RIN3: variants seen among roughly 807,000 people sequenced by gnomAD.
RIN3 encodes the protein RAB5 interacting protein 3.
Under a neutral mutation model 76.3 loss-of-function variants are expected in RIN3, and 54 were observed. That is an observed-to-expected ratio of 0.71 (90% confidence interval 0.57 to 0.89). The LOEUF is 0.89. RIN3 is among the 40% of genes least tolerant of loss of function. The pLI is 0.00. For missense variants in RIN3, 1,256 were observed against 1,322.1 expected (o/e 0.95, Z 0.78); for synonymous variants, 576 against 564.0 (o/e 1.02, Z -0.30).
chr14:92,616,284 G>A (rs1032271246), intron 4 of RIN3, among the ~76,000 whole-genome samples: 3 of 152,196 alleles, frequency 2.0e-5, no homozygotes, highest in Non-Finnish European at 2.9e-5. Context: ...CACTCCACAC[G>A]GTGGGAGCGG....
intron 2 of RIN3, among the ~76,000 whole-genome samples, chr14:92,573,226 T>A (rs1018110444): frequency 1.3e-5 from 2 of 152,106 alleles, no homozygotes; most frequent in African/African-American, 4.8e-5. Flanking sequence ...CATCTCTCAC[T>A]GAGGATCAGC....
chr14:92,572,859 G>A (rs921132502), intron 2 of RIN3, among the ~76,000 whole-genome samples: 6 of 149,292 alleles, frequency 4.0e-5, no homozygotes, highest in Non-Finnish European at 4.4e-5. Context: ...TCCTGTAGAA[G>A]GGTGACTCTT....
At chr14:92,519,562 G>A (rs58283858) in intron 1 of RIN3, among the ~76,000 whole-genome samples, 4,378 of 152,266 alleles carry the variant, frequency 0.029, 180 homozygotes, top group African/African-American at 0.099. Context: ...TTTAGAGACC[G>A]TCTGTGAAGC....
intron 3 of RIN3, among the ~76,000 whole-genome samples, chr14:92,594,110 G>C (rs1595441918): frequency 6.6e-6 from 1 of 152,142 alleles, no homozygotes; most frequent in South Asian, 2.1e-4. Flanking sequence ...ATCCTGGGCC[G>C]TAATACACAC....
chr14:92,555,603 A>G (rs1897553679), intron 1 of RIN3, 148 bp from the exon 2 acceptor site: 1 of 740,590 alleles, frequency 1.4e-6, no homozygotes, highest in South Asian at 1.8e-5. Context: ...GATGAAGACC[A>G]TGGTTTGTTG....
chr14:92,616,157 A>G (rs943397469), intron 4 of RIN3: 2 of 152,200 alleles, frequency 1.3e-5, no homozygotes, highest in African/African-American at 4.8e-5. Flanking sequence ...GGCAGGAAAA[A>G]TGAGGCTGAT....
intron 4 of RIN3, among the ~76,000 whole-genome samples, chr14:92,628,135 G>T (rs1196091177): frequency 6.6e-6 from 1 of 152,164 alleles, no homozygotes; most frequent in Non-Finnish European, 1.5e-5. Flanking sequence ...TAGGCACAGT[G>T]GAGATAGGGA....
intron 1 of RIN3, chr14:92,515,196 C>G (rs980522828): frequency 1.0e-5 from 7 of 687,114 alleles, no homozygotes; most frequent in Middle Eastern, 2.3e-4. Context: ...TTCTTTCTCT[C>G]GAAAGCGACC....
At chr14:92,554,117 T>C (rs1296635268) in intron 1 of RIN3, among the ~76,000 whole-genome samples, 2 of 152,092 alleles carry the variant, frequency 1.3e-5, no homozygotes, top group Non-Finnish European at 2.9e-5. Context: ...GGTACCCTTG[T>C]CTGTGTGATT....
At chr14:92,524,658 G>T (rs1299979336) in intron 1 of RIN3, among the ~76,000 whole-genome samples, 1 of 152,244 alleles carries the variant, frequency 6.6e-6, no homozygotes, top group Non-Finnish European at 1.5e-5. Context: ...CACTGGGCAA[G>T]GCTTCCCCAG....
At chr14:92,542,747 C>CATTG (rs1295213801) in intron 1 of RIN3, among the ~76,000 whole-genome samples, 9 of 152,166 alleles carry the variant, frequency 5.9e-5, no homozygotes. Flanking sequence ...AGAAGTGAAA[C>CATTG]ATTGATATAG....
At chr14:92,640,371 C>T (rs112270490) in intron 4 of RIN3, among the ~76,000 whole-genome samples, 9 of 24,364 alleles carry the variant, frequency 3.7e-4, no homozygotes, top group African/African-American at 1.3e-3. Context: ...CCTGACTGTG[C>T]GTTTGCTGGG....
rs12890223 is a variant in RIN3 at position 92,681,155 on chromosome 14, G to C, written c.2468-3832G>C. Reference sequence around the variant, plus strand: ...CCTGACAGCTGGCCATGCCGGGCTGGTGTCTTTCCAGGGGCAGTGGGTTTT... The same window carrying C: ...CCTGACAGCTGGCCATGCCGGGCTGCTGTCTTTCCAGGGGCAGTGGGTTTT... On this transcript the variant is annotated intron_variant, in intron 8 of 9. Transcript: ENST00000216487. The surrounding 1 kb of genome is among the most constrained non-coding windows in gnomAD (Gnocchi z 4.7). Among the ~76,000 whole-genome samples, 1 of 152,018 alleles carries C rather than the reference G, an allele frequency of 6.6e-6. No individual in the cohort carries two copies. The highest frequency in any genetic ancestry group is 1.5e-5 in the Non-Finnish European group (1 of 67,980).
chr14:92,608,541 AT>A (rs33922410), intron 3 of RIN3, among the ~76,000 whole-genome samples: 31 of 148,308 alleles, frequency 2.1e-4, no homozygotes, highest in East Asian at 4.0e-4. Flanking sequence ...CTTTTTTAGC[AT>A]TTTTTTTTTT....
intron 1 of RIN3, among the ~76,000 whole-genome samples, chr14:92,538,942 AC>A (rs999371952): frequency 1.5e-4 from 23 of 151,436 alleles, no homozygotes; most frequent in Non-Finnish European, 3.1e-4. Flanking sequence ...ACAGGGGAGG[AC>A]CCCCTTCCCA....
chr14:92,660,693 C>G (rs1323978386), intron 7 of RIN3, among the ~76,000 whole-genome samples: 1 of 152,222 alleles, frequency 6.6e-6, no homozygotes, highest in African/African-American at 2.4e-5. Context: ...ATCCCAGACT[C>G]AAGGAGTGAG....
At chr14:92,619,457 T>G (rs1001254463) in intron 4 of RIN3, among the ~76,000 whole-genome samples, 16 of 38,762 alleles carry the variant, frequency 4.1e-4, no homozygotes, top group East Asian at 9.9e-4. Flanking sequence ...TTTTTTTTTT[T>G]GGGATGGAGT....
chr14:92,581,456 G>C (rs1360422127), intron 3 of RIN3, among the ~76,000 whole-genome samples: 1 of 152,178 alleles, frequency 6.6e-6, no homozygotes, highest in African/African-American at 2.4e-5. Flanking sequence ...GATGAGCTGA[G>C]CTTATCAGCC....
chr14:92,653,445 T>C (rs1887549330), intron 6 of RIN3, among the ~76,000 whole-genome samples: 1 of 152,180 alleles, frequency 6.6e-6, no homozygotes, highest in Non-Finnish European at 1.5e-5. Flanking sequence ...TGGCTGAGGC[T>C]GAGTTCATCC....
Sources: allele counts gnomAD v4.1 joint callset (sites outside exome capture counted in the v4.1 genomes callset), GRCh38; gene constraint gnomAD v4.1.1; non-coding constraint Gnocchi (gnomAD v3.1); transcripts MANE v1.5; gene names NCBI Gene and HGNC (gene_info 2026-07-23, HGNC 2026-07-21).